USP24: variants seen among roughly 807,000 people sequenced by gnomAD.
USP24 encodes the protein ubiquitin carboxyl-terminal hydrolase 24.
A neutral mutation model predicts 361.6 loss-of-function variants in USP24; 97 were observed. The observed-to-expected ratio is 0.27, with a 90% CI of 0.23 to 0.32. The LOEUF (loss-of-function observed/expected upper bound fraction) is 0.32. USP24 is among the 10% of genes least tolerant of loss of function. USP24 has a pLI of 1.00. For missense variants in USP24, 2,353 were observed against 3,165.6 expected (o/e 0.74, Z 6.16); for synonymous variants, 1,098 against 1,124.6 (o/e 0.98, Z 0.47).
At position 55,070,666 on chromosome 1, in the gene USP24, G is replaced by A. The variant is rs1644903735; in HGVS notation, c.7800+1148C>T. The stretch of plus-strand genomic sequence containing the variant: ...AGTCGAAGTTTGGCTGCAAAGAAGA[G>A]AAAAGAAGGCAGGGGCAACAGGGAG... On this transcript the variant is annotated intron_variant, in intron 67 of 67. Transcript: ENST00000294383. Among the ~76,000 whole-genome samples, 3 of 152,218 alleles carry A rather than the reference G, an allele frequency of 2.0e-5. No individual in the cohort carries two copies. In the South Asian group the frequency reaches 6.2e-4, roughly 32 times the overall value.
rs753134519 is a variant in USP24, at chr1:55,159,623, G to A, written c.1056C>T (p.Asp352=). The stretch of plus-strand genomic sequence containing the variant: ...AGAAGGCATTTACCTTGTCTTTGAG[G>A]TCTTTCTCTTCTACACTCCGTACAT... ...IQDVRSVEEK[D]LKDKRLVSIP... is the part of the protein sequence containing the mutation. The change falls in exon 9 of 68, where the codon GAC becomes GAT. Residue 352 remains aspartate (D), a synonymous_variant. Transcript: ENST00000294383. 19 of 1,560,750 alleles carry A rather than the reference G, an allele frequency of 1.2e-5. No homozygotes were observed. Among genetic ancestry groups the A allele is most frequent in the Non-Finnish European group, 1.6e-5 (18 of 1,150,616 alleles).
intron 30 of USP24, among the ~76,000 whole-genome samples, chr1:55,133,713 T>G (rs1222452338): frequency 6.6e-6 from 1 of 151,220 alleles, no homozygotes; most frequent in Non-Finnish European, 1.5e-5. Context: ...CTTGGCTCAC[T>G]GCAGCCTCGA....
chr1:55,189,674 C>T (rs112423727), intron 1 of USP24, among the ~76,000 whole-genome samples: 63 of 152,186 alleles, frequency 4.1e-4, no homozygotes, highest in African/African-American at 1.3e-3. Flanking sequence ...CACTTTAAAA[C>T]GGTGAACTTT....
In USP24 at chr1:55,073,854, G is replaced by T; in HGVS notation, c.7500C>A (p.Val2500=). ...HVDSSRCYQC[V]KFLVTLAQKC... ...TTTGAGCAAGAGTGACAAGAAATTT[G>T]ACACACTGGTAGCAGCGACTACTGT... Residue 2500 remains valine (V), a synonymous_variant, in exon 64 of 68, where the codon GTC becomes GTA. Transcript: ENST00000294383. 1 of 1,580,242 alleles carries T rather than the reference G, an allele frequency of 6.3e-7. No individual in the cohort carries two copies. Among genetic ancestry groups the T allele is most frequent in the South Asian group, 1.2e-5 (1 of 85,758 alleles).
At chr1:55,079,878 C>T (rs957207418) in intron 59 of USP24, among the ~76,000 whole-genome samples, 2 of 151,810 alleles carry the variant, frequency 1.3e-5, no homozygotes, top group African/African-American at 4.8e-5. Context: ...AGCACTCACA[C>T]ACAGTACTCG....
chr1:55,107,063 G>A (rs921833499), intron 40 of USP24, among the ~76,000 whole-genome samples, 176 bp downstream of exon 40: 6 of 152,168 alleles, frequency 3.9e-5, no homozygotes, highest in Admixed American at 2.0e-4. Context: ...TAATGACACA[G>A]GTAAAGTACA....
intron 42 of USP24, among the ~76,000 whole-genome samples, chr1:55,103,482 T>A (rs550378791): frequency 7.5e-4 from 115 of 152,358 alleles, no homozygotes; most frequent in Non-Finnish European, 5.1e-4. Flanking sequence ...TTTTAGCACA[T>A]ACTAAACTCA....
intron 16 of USP24, chr1:55,151,849 A>T: frequency 1.0e-6 from 1 of 954,384 alleles, no homozygotes; most frequent in Non-Finnish European, 1.2e-6. Flanking sequence ...AAGGGTAATC[A>T]GTTGGGGGAA....
rs140679838 is a variant in USP24 at position 55,154,005 on chromosome 1, C to T, written c.1813-88G>A. 28 of 1,555,424 alleles carry T rather than the reference C, an allele frequency of 1.8e-5. No homozygotes were observed. The East Asian group carries it at 5.3e-4, about 29-fold the overall frequency. On this transcript the variant is annotated intron_variant, in intron 15 of 67. Coordinates refer to ENST00000294383, the MANE Select transcript of USP24 (RefSeq NM_015306.3). ...ATCTTGGACTTTAAGGTAAGAGCTTCCAGATATGGCATTTAGTTTAATTTA... is the reference window on the plus strand; with the variant it reads ...ATCTTGGACTTTAAGGTAAGAGCTTTCAGATATGGCATTTAGTTTAATTTA...
intron 65 of USP24, among the ~76,000 whole-genome samples, 174 bp from the exon 66 acceptor site, chr1:55,072,577 C>G (rs1329782813): frequency 6.6e-6 from 1 of 152,208 alleles, no homozygotes; most frequent in East Asian, 1.9e-4. Flanking sequence ...CTTCTTATAT[C>G]ATCATCCCTA....
At chr1:55,213,326 C>T (rs1338922082) in intron 1 of USP24, among the ~76,000 whole-genome samples, 1 of 152,136 alleles carries the variant, frequency 6.6e-6, no homozygotes, top group African/African-American at 2.4e-5. Flanking sequence ...GTCAACGATA[C>T]AGCTAAGTTA....
chr1:55,112,397 T>C (rs1645980485), intron 38 of USP24, among the ~76,000 whole-genome samples: 1 of 152,204 alleles, frequency 6.6e-6, no homozygotes, highest in Non-Finnish European at 1.5e-5. Flanking sequence ...TCCTGCTTTC[T>C]CCTGTGGGCA....
chr1:55,119,348 A>T (rs1334992345), intron 38 of USP24, among the ~76,000 whole-genome samples: 3 of 152,200 alleles, frequency 2.0e-5, no homozygotes, highest in Non-Finnish European at 4.4e-5. Context: ...TTCCACTTAT[A>T]TGAGGTACCT....
intron 55 of USP24, among the ~76,000 whole-genome samples, chr1:55,087,467 G>T (rs1398066149): frequency 6.6e-6 from 1 of 152,204 alleles, no homozygotes; most frequent in African/African-American, 2.4e-5. Context: ...CCAAATGGAT[G>T]ATCTTTCTAT....
chr1:55,195,327 T>C (rs998979577), intron 1 of USP24, among the ~76,000 whole-genome samples: 19 of 152,210 alleles, frequency 1.2e-4, no homozygotes, highest in African/African-American at 4.6e-4. Flanking sequence ...GATAAATTCC[T>C]ACTTCTTCAA....
At chr1:55,080,033 A>G (rs1328810987) in intron 59 of USP24, among the ~76,000 whole-genome samples, 2 of 152,216 alleles carry the variant, frequency 1.3e-5, no homozygotes, top group Non-Finnish European at 2.9e-5. Flanking sequence ...AGGTAAAAAT[A>G]TAAATAGTTT....
chr1:55,137,806 C>T lies in USP24; in HGVS notation c.3027G>A (p.Leu1009=), dbSNP rs755035162. The change falls in exon 27 of 68, where the codon CTG becomes CTA. Residue 1009 remains leucine, a splice_region_variant and synonymous_variant. Transcript: ENST00000294383. ...ATCAAAACTGCTTATTTAAACCTAC[C>T]AGGCTATCATTTGTAAATATCTGTA... ...DNIQIFTNDS[L]LTVNKDQKLL... The T allele has an allele frequency of 8.2e-6, 13 of 1,576,936 alleles. No homozygotes were observed.
chr1:55,169,093 T>C (rs370093570), intron 5 of USP24, among the ~76,000 whole-genome samples: 12 of 152,150 alleles, frequency 7.9e-5, no homozygotes, highest in Admixed American at 4.6e-4. Context: ...CTTGAAAATA[T>C]GAGTTAAGAA....
At chr1:55,132,742 G>A (rs1646627557) in intron 30 of USP24, 42 bp from the exon 31 acceptor site, 2 of 1,562,238 alleles carry the variant, frequency 1.3e-6, no homozygotes, top group African/African-American at 1.4e-5. Flanking sequence ...TACTTAAAAG[G>A]ACAAATTAAA....
Sources: allele counts gnomAD v4.1 joint callset (sites outside exome capture counted in the v4.1 genomes callset), GRCh38; gene constraint gnomAD v4.1.1; transcripts MANE v1.5; gene names NCBI Gene and HGNC (gene_info 2026-07-23, HGNC 2026-07-21).